The following BRAP variants were observed in gnomAD, a reference collection of about 807,000 sequenced individuals.
BRAP encodes BRCA1-associated protein.
BRAP carries 42 observed loss-of-function variants against 73.4 expected under a neutral mutation model. The ratio of observed to expected loss-of-function variants is 0.57; its 90% CI spans 0.45 to 0.74. The LOEUF is 0.74. BRAP is among the 30% of genes least tolerant of loss of function. The probability of loss-of-function intolerance (pLI) is 0.00; values close to 1 mark genes in which losing one functional copy is unlikely to be tolerated. For synonymous variants in BRAP, 255 were observed against 267.4 expected, an observed-to-expected ratio of 0.95 and a Z score of 0.45; for missense variants, 593 against 751.4, an observed-to-expected ratio of 0.79 and a Z score of 2.46.
chr12:111,683,253 G>A lies in BRAP; in HGVS notation c.137C>T (p.Ala46Val). The change falls in exon 2 of 12, where the codon GCC becomes GTC. Residue 46 changes from alanine to valine, a missense_variant. Ala to Val is a moderately conservative substitution (Grantham distance 64). Coordinates refer to ENST00000419234, the MANE Select transcript of BRAP (RefSeq NM_006768.5). ...IKKTTLASAV[A>V]CLEGKSPGEK... ...TCCTGGTGACTTGCCTTCTAAACAG[G>A]CTACAGCTGAGGCTAGTGTCGTCTT... The A allele has an allele frequency of 6.2e-7, 1 of 1,614,006 alleles. No homozygotes were observed. Among genetic ancestry groups the A allele is most frequent in the Non-Finnish European group, 8.5e-7 (1 of 1,179,990 alleles).
At chr12:111,682,610 G>A (rs1176158460) in intron 2 of BRAP, among the ~76,000 whole-genome samples, 1 of 151,886 alleles carries the variant, frequency 6.6e-6, no homozygotes, top group African/African-American at 2.4e-5. Context: ...TGAACTAGGT[G>A]GTAAGAAATT....
intron 11 of BRAP, among the ~76,000 whole-genome samples, chr12:111,644,799 C>T (rs1479899691): frequency 6.6e-6 from 1 of 152,144 alleles, no homozygotes; most frequent in Non-Finnish European, 1.5e-5. Flanking sequence ...TCTTGTTGCC[C>T]AGGCTGGAAT....
intron 11 of BRAP, among the ~76,000 whole-genome samples, chr12:111,645,171 C>T (rs1338636080): frequency 1.2e-4 from 18 of 152,066 alleles, no homozygotes; most frequent in African/African-American, 2.4e-4. Context: ...TGGGTTCAAG[C>T]GATTCTCCTG....
rs1886632746 is a variant in BRAP, at chr12:111,658,841, G to A, written c.1116C>T (p.Asn372=). 6.2e-7 allele frequency: 1 copy of A among 1,601,086 alleles called. No individual in the cohort carries two copies. Among genetic ancestry groups the A allele is most frequent in the African/African-American group, 1.3e-5 (1 of 74,592 alleles). ...TACTTGCAACCAGTCGATGAACATA[G>A]TTATCTACAGAAAGAGTCAACAAAA... ...NHRVWDYAGD[N]YVHRLVASKT... The change falls in exon 9 of 12, where the codon AAC becomes AAT. Residue 372 remains asparagine (N), a synonymous_variant. Coordinates refer to ENST00000419234, the MANE Select transcript of BRAP (RefSeq NM_006768.5).
In BRAP at chr12:111,659,315, T is replaced by C. The variant is rs1307974678; in HGVS notation, c.1003A>G (p.Ile335Val). Reference protein sequence around the residue: ...NLWICLICGHIGCGRYVSRHA... With the variant: ...NLWICLICGHVGCGRYVSRHA... ...CGACTGACATACCGTCCACATCCTATGTGGCCGCATATTAAACAAATCCAA... is the reference window on the plus strand; with the variant it reads ...CGACTGACATACCGTCCACATCCTACGTGGCCGCATATTAAACAAATCCAA... The change falls in exon 8 of 12, where the codon ATA becomes GTA. Residue 335 changes from isoleucine (I) to valine (V), a missense_variant. Physicochemically the swap from Ile to Val is conservative, Grantham distance 29. Coordinates refer to ENST00000419234, the MANE Select transcript of BRAP (RefSeq NM_006768.5). 6.2e-7 allele frequency: 1 copy of C among 1,613,778 alleles called. No homozygotes were observed. Among genetic ancestry groups the C allele is most frequent in the South Asian group, 1.1e-5 (1 of 91,078 alleles).
At chr12:111,650,517 C>T (rs1288969364) in intron 10 of BRAP, among the ~76,000 whole-genome samples, 1 of 152,144 alleles carries the variant, frequency 6.6e-6, no homozygotes, top group East Asian at 1.9e-4. Context: ...CCACCTGCCT[C>T]GGCCTCCCAA....
intron 9 of BRAP, among the ~76,000 whole-genome samples, chr12:111,657,345 G>T (rs1283278272): frequency 8.5e-5 from 13 of 152,122 alleles, no homozygotes; most frequent in Admixed American, 8.5e-4. Context: ...TGCCCGGCCA[G>T]TATTTCTTGT....
chr12:111,680,438 T>C (rs1887556442), intron 3 of BRAP, among the ~76,000 whole-genome samples: 1 of 151,820 alleles, frequency 6.6e-6, no homozygotes, highest in Non-Finnish European at 1.5e-5. Context: ...GACTCACACC[T>C]GTAATCCCAA....
At chr12:111,679,999 T>C (rs913801867) in intron 3 of BRAP, among the ~76,000 whole-genome samples, 1 of 151,942 alleles carries the variant, frequency 6.6e-6, no homozygotes, top group African/African-American at 2.4e-5. Flanking sequence ...CTGTCTTTTT[T>C]TTTTTCAGAG....
chr12:111,669,884 G>A (rs776430247), intron 5 of BRAP: 50 of 649,642 alleles, frequency 7.7e-5, no homozygotes, highest in Non-Finnish European at 1.2e-4. Context: ...TCCAACATAA[G>A]ATTTTATATT....
intron 9 of BRAP, 29 bp downstream of exon 9, chr12:111,658,707 A>C: frequency 7.2e-7 from 1 of 1,396,410 alleles, no homozygotes; most frequent in Non-Finnish European, 1.0e-6. Flanking sequence ...GTAGAAACAG[A>C]TAGAGTGATA....
At chr12:111,683,974 T>G (rs534142838) in intron 1 of BRAP, among the ~76,000 whole-genome samples, 1 of 152,240 alleles carries the variant, frequency 6.6e-6, no homozygotes, top group East Asian at 1.9e-4. Context: ...AAAATGAAGC[T>G]ATCAAGTCCA....
chr12:111,682,497 C>CAAAAAAAAAAAAA (rs11366915), intron 2 of BRAP, among the ~76,000 whole-genome samples: 22 of 77,808 alleles, frequency 2.8e-4, no homozygotes, highest in African/African-American at 3.6e-4. Flanking sequence ...GAGACTGTCT[C>CAAAAAAAAAAAAA]AAAAAAAAAA....
intron 11 of BRAP, among the ~76,000 whole-genome samples, chr12:111,645,687 C>T (rs1317895065): frequency 6.6e-6 from 1 of 152,142 alleles, no homozygotes; most frequent in Non-Finnish European, 1.5e-5. Flanking sequence ...AATGAAACCA[C>T]CATTTGAGGC....
chr12:111,681,985 A>G (rs1473493703), intron 2 of BRAP, 150 bp from the exon 3 acceptor site: 3 of 752,698 alleles, frequency 4.0e-6, no homozygotes, highest in East Asian at 2.8e-5. Flanking sequence ...AGAATAGCTG[A>G]GTTTATGAGG....
Position 111,671,692 on chromosome 12 carries a change from T to C in BRAP, c.747+969A>G, listed in dbSNP as rs547607824. Among the ~76,000 whole-genome samples the C allele has an allele frequency of 2.0e-5, 3 of 149,438 alleles. No homozygotes were observed. The South Asian group carries it at 6.5e-4, about 32-fold the overall frequency. On this transcript the variant is annotated intron_variant, in intron 5 of 11. Transcript: ENST00000419234. ...GGGTAACAGAGAGACTTTTTTTTTT[T>C]TTTTTTTTTTTTGAGACAGGGTCTC...
chr12:111,671,755 G>A (rs183982748), intron 5 of BRAP, among the ~76,000 whole-genome samples: 2 of 150,172 alleles, frequency 1.3e-5, no homozygotes, highest in South Asian at 2.1e-4. Flanking sequence ...CAAGATCACG[G>A]CTCACTATAG....
At chr12:111,682,816 G>T (rs1350958139) in intron 2 of BRAP, among the ~76,000 whole-genome samples, 1 of 152,030 alleles carries the variant, frequency 6.6e-6, no homozygotes, top group Non-Finnish European at 1.5e-5. Flanking sequence ...GGAGGCTGAG[G>T]CAGGAAGACT....
intron 5 of BRAP, among the ~76,000 whole-genome samples, chr12:111,670,841 T>C (rs538225005): frequency 6.6e-6 from 1 of 152,264 alleles, no homozygotes; most frequent in South Asian, 2.1e-4. Context: ...GGCTCATGCC[T>C]GTAATCCTAA....
Sources: allele counts gnomAD v4.1 joint callset (sites outside exome capture counted in the v4.1 genomes callset), GRCh38; gene constraint gnomAD v4.1.1; transcripts MANE v1.5; gene names NCBI Gene and HGNC (gene_info 2026-07-23, HGNC 2026-07-21).